The following DCC variants were observed in gnomAD, a reference collection of about 807,000 sequenced individuals.
DCC encodes the protein netrin receptor DCC.
In DCC, 58 loss-of-function variants were observed where a neutral mutation model predicts 172.5. That is an observed-to-expected ratio of 0.34 (90% confidence interval 0.27 to 0.42). The LOEUF (loss-of-function observed/expected upper bound fraction) is 0.42, where lower values mean the gene tolerates loss of function less well. Among genes scored for constraint, DCC ranks in the 10% least tolerant of loss-of-function variants. DCC has a pLI of 1.00. For synonymous variants in DCC, 709 were observed against 644.5 expected (o/e 1.10, Z -1.52); for missense variants, 1,740 against 1,791.0 (o/e 0.97, Z 0.51).
chr18:53,317,320 G>T (rs1039423961), intron 13 of DCC, among the ~76,000 whole-genome samples: 7 of 152,206 alleles, frequency 4.6e-5, no homozygotes, highest in African/African-American at 1.7e-4. Context: ...TTGCATCTCA[G>T]GGATGAAGCC....
intron 12 of DCC, among the ~76,000 whole-genome samples, chr18:53,248,100 G>T (rs1000837179): frequency 3.9e-5 from 6 of 152,006 alleles, no homozygotes; most frequent in Non-Finnish European, 8.8e-5. Context: ...ATGGGTTAAT[G>T]TTGGGTGTTC....
intron 5 of DCC, among the ~76,000 whole-genome samples, chr18:52,979,114 G>T (rs958320319): frequency 6.6e-6 from 1 of 152,164 alleles, no homozygotes; most frequent in African/African-American, 2.4e-5. Context: ...GGTGGTACTT[G>T]AGGGTGACTT....
At chr18:52,831,383 C>T (rs776720357) in intron 2 of DCC, among the ~76,000 whole-genome samples, 32 of 152,222 alleles carry the variant, frequency 2.1e-4, no homozygotes, top group Middle Eastern at 3.4e-3. Flanking sequence ...TCAAGCACAT[C>T]GTTCTGGCTG....
At chr18:52,833,567 G>C (rs1158061987) in intron 2 of DCC, among the ~76,000 whole-genome samples, 1 of 152,082 alleles carries the variant, frequency 6.6e-6, no homozygotes, top group Non-Finnish European at 1.5e-5. Flanking sequence ...AAAATCTAAA[G>C]TAGAAACTGC....
chr18:53,369,992 T>C (rs1477497895), intron 15 of DCC, among the ~76,000 whole-genome samples: 2 of 151,780 alleles, frequency 1.3e-5, no homozygotes, highest in Non-Finnish European at 3.0e-5. Context: ...TAGGAAGTGT[T>C]CCCTCCTCTT....
intron 27 of DCC, among the ~76,000 whole-genome samples, chr18:53,509,162 A>G (rs1257755073): frequency 6.6e-6 from 1 of 152,260 alleles, no homozygotes; most frequent in Non-Finnish European, 1.5e-5. Flanking sequence ...AATCAATAGC[A>G]AAGCAAAGAG....
intron 2 of DCC, among the ~76,000 whole-genome samples, chr18:52,830,141 G>A (rs893934446): frequency 5.9e-5 from 9 of 152,154 alleles, no homozygotes; most frequent in Non-Finnish European, 1.3e-4. Context: ...AGAGGAAGAT[G>A]CAGTGGAGAT....
At chr18:53,522,823 C>G (rs1414370749) in intron 27 of DCC, among the ~76,000 whole-genome samples, 3 of 152,100 alleles carry the variant, frequency 2.0e-5, no homozygotes, top group Non-Finnish European at 4.4e-5. Context: ...TGGAAGAAAA[C>G]CTAGGCAATA....
intron 27 of DCC, among the ~76,000 whole-genome samples, chr18:53,525,752 G>A (rs891938165): frequency 6.6e-6 from 1 of 152,040 alleles, no homozygotes; most frequent in African/African-American, 2.4e-5. Context: ...GAGAACTGAG[G>A]CCACTGTCTT....
At chr18:52,455,901 C>T (rs1988442954) in intron 1 of DCC, among the ~76,000 whole-genome samples, 1 of 152,168 alleles carries the variant, frequency 6.6e-6, no homozygotes, top group African/African-American at 2.4e-5. Context: ...TACCCTACTT[C>T]CGTATGTAAG....
chr18:52,805,047 T>A lies in DCC; in HGVS notation c.412+52673T>A, dbSNP rs553300575. 9.2e-5 allele frequency among the ~76,000 whole-genome samples: 14 copies of A among 152,344 alleles called. No homozygotes were observed. In the East Asian group the frequency reaches 2.5e-3, roughly 27 times the overall value. On this transcript the variant is annotated intron_variant, in intron 2 of 28. Transcript: ENST00000442544. Reference sequence around the variant, plus strand: ...GTGTAATTTTAAACAAATTTCTTAATCTCTGTGAGCCTTTGCTTCTTCATC... The same window carrying A: ...GTGTAATTTTAAACAAATTTCTTAAACTCTGTGAGCCTTTGCTTCTTCATC...
At chr18:52,346,747 A>T (rs1983896329) in intron 1 of DCC, among the ~76,000 whole-genome samples, 1 of 152,150 alleles carries the variant, frequency 6.6e-6, no homozygotes, top group Non-Finnish European at 1.5e-5. Flanking sequence ...TTCCATATTT[A>T]TTGATCATAT....
intron 27 of DCC, among the ~76,000 whole-genome samples, chr18:53,518,956 GA>G (rs1158974211): frequency 1.3e-5 from 2 of 151,670 alleles, no homozygotes; most frequent in East Asian, 3.9e-4. Context: ...ATAATTTTAA[GA>G]AAAAAATGAC....
At chr18:53,414,861 T>A (rs1910212128) in intron 20 of DCC, among the ~76,000 whole-genome samples, 1 of 152,126 alleles carries the variant, frequency 6.6e-6, no homozygotes, top group Non-Finnish European at 1.5e-5. Context: ...GTATATGTAG[T>A]GTTTCCCAAA....
chr18:53,296,940 T>A (rs2057074400), intron 12 of DCC, among the ~76,000 whole-genome samples: 1 of 152,204 alleles, frequency 6.6e-6, no homozygotes, highest in Non-Finnish European at 1.5e-5. Context: ...CCATCTTTTT[T>A]AAAAAAGGCT....
intron 1 of DCC, among the ~76,000 whole-genome samples, chr18:52,674,362 C>A (rs1227204610): frequency 1.3e-5 from 2 of 152,016 alleles, no homozygotes; most frequent in Non-Finnish European, 2.9e-5. Flanking sequence ...AGCAGGCAGG[C>A]AGAAAGAAAA....
chr18:53,095,996 T>C (rs931873650), intron 7 of DCC, among the ~76,000 whole-genome samples: 2 of 151,876 alleles, frequency 1.3e-5, no homozygotes, highest in African/African-American at 4.8e-5. Flanking sequence ...TGTAATCCCA[T>C]TGATTTCAGA....
At chr18:53,419,845 A>G (rs1228691855) in intron 21 of DCC, among the ~76,000 whole-genome samples, 2 of 151,018 alleles carry the variant, frequency 1.3e-5, no homozygotes, top group Admixed American at 1.3e-4. Context: ...TAATTATTCT[A>G]TTTTTATTTA....
At chr18:52,409,985 TCTAA>T (rs776515517) in intron 1 of DCC, among the ~76,000 whole-genome samples, 4 of 152,148 alleles carry the variant, frequency 2.6e-5, no homozygotes, top group South Asian at 2.1e-4. Flanking sequence ...TGAACACTGC[TCTAA>T]CTGACCACAG....
Sources: allele counts gnomAD v4.1 joint callset (sites outside exome capture counted in the v4.1 genomes callset), GRCh38; gene constraint gnomAD v4.1.1; transcripts MANE v1.5; gene names NCBI Gene and HGNC (gene_info 2026-07-23, HGNC 2026-07-21).